KIF26B: variants seen among roughly 807,000 people sequenced by gnomAD.
The protein encoded by KIF26B is kinesin-like protein KIF26B.
KIF26B carries 63 observed loss-of-function variants against 151.2 expected under a neutral mutation model. The ratio of observed to expected loss-of-function variants is 0.42; its 90% CI spans 0.34 to 0.51. The LOEUF (loss-of-function observed/expected upper bound fraction) is 0.51, where lower values mean the gene tolerates loss of function less well. Among genes scored for constraint, KIF26B ranks in the 20% least tolerant of loss-of-function variants. KIF26B has a pLI of 0.07. For missense variants in KIF26B, 2,813 were observed against 2,913.6 expected (o/e 0.97, Z 0.79); for synonymous variants, 1,357 against 1,262.1 (o/e 1.08, Z -1.59).
In KIF26B at chr1:245,687,515, A is replaced by G. The variant is rs763063247; in HGVS notation, c.4532A>G (p.Asp1511Gly). 2 of 1,575,930 alleles carry G rather than the reference A, an allele frequency of 1.3e-6. No homozygotes were observed. Residue 1511 changes from aspartate to glycine, a missense_variant, in exon 12 of 15, where the codon GAT (aspartate) becomes GGT (glycine). Physicochemically the swap from Asp to Gly is moderately conservative, Grantham distance 94. This residue lies in a region of KIF26B where 2,060 missense variants were observed against 2,088.6 expected (regional missense o/e 0.99). Transcript: ENST00000407071. This position sits in a 1 kb window ranked among gnomAD's most constrained non-coding sequence, Gnocchi z 4.9. Reference sequence around the variant, plus strand: ...ACTGACAACTTCAGGAGGGTCGTGGATGGGTGTGAGATGGCCCTGCCCGGT... The same window carrying G: ...ACTGACAACTTCAGGAGGGTCGTGGGTGGGTGTGAGATGGCCCTGCCCGGT... Reference protein sequence around the residue: ...PVTDNFRRVVDGCEMALPGLA... With the variant: ...PVTDNFRRVVGGCEMALPGLA...
At chr1:245,383,758 C>A (rs753799883) in intron 3 of KIF26B, among the ~76,000 whole-genome samples, 1 of 152,044 alleles carries the variant, frequency 6.6e-6, no homozygotes, top group Non-Finnish European at 1.5e-5. Context: ...AAAGGATGAA[C>A]GGTGGTTGCT....
intron 4 of KIF26B, among the ~76,000 whole-genome samples, chr1:245,498,764 G>A (rs1171453414): frequency 6.6e-6 from 1 of 152,186 alleles, no homozygotes; most frequent in Admixed American, 6.5e-5. Context: ...CTGCCCTCCT[G>A]GGTTTGTCCT....
At chr1:245,377,982 A>G (rs1427407633) in intron 3 of KIF26B, among the ~76,000 whole-genome samples, 1 of 152,206 alleles carries the variant, frequency 6.6e-6, no homozygotes, top group Non-Finnish European at 1.5e-5. Context: ...GGTTTTTCAT[A>G]GAATAACAGC....
At chr1:245,269,738 C>T (rs1670816370) in intron 2 of KIF26B, among the ~76,000 whole-genome samples, 2 of 152,076 alleles carry the variant, frequency 1.3e-5, no homozygotes, top group African/African-American at 4.8e-5. Context: ...GCTGGGATTA[C>T]AAGCGTGAGC....
At chr1:245,242,230 C>T (rs1670221198) in intron 2 of KIF26B, among the ~76,000 whole-genome samples, 1 of 152,080 alleles carries the variant, frequency 6.6e-6, no homozygotes, top group African/African-American at 2.4e-5. Context: ...GTCTCTATGC[C>T]TTCCCCCCCC....
At position 245,466,664 on chromosome 1, in the gene KIF26B, G is replaced by A. The variant is rs539393969; in HGVS notation, c.1166+46919G>A. On this transcript the variant is annotated intron_variant, in intron 4 of 14. Coordinates refer to ENST00000407071, the MANE Select transcript of KIF26B (RefSeq NM_018012.4). Reference sequence around the variant, plus strand: ...GTTCCGGCTGGGCGTGGTGGCTCACGCCTGTAATCCCAGCACTTTAGGAGG... The same window carrying A: ...GTTCCGGCTGGGCGTGGTGGCTCACACCTGTAATCCCAGCACTTTAGGAGG... Among the ~76,000 whole-genome samples the A allele has an allele frequency of 3.2e-4, 49 of 152,312 alleles. 1 individual carries two copies. The highest frequency in any genetic ancestry group is 2.9e-3 in the Admixed American group (45 of 15,302).
rs1221282145 is a variant in KIF26B, at chr1:245,708,981, T to G, written c.*6375T>G. The stretch of plus-strand genomic sequence containing the variant: ...TCAATGGTAGTGCTTAATGTTACTG[T>G]CTGAAATCCACTGTTTAACCAGATG... On this transcript the variant is annotated 3_prime_UTR_variant, in exon 15 of 15. Coordinates refer to ENST00000407071, the MANE Select transcript of KIF26B (RefSeq NM_018012.4). 1 of 152,228 alleles carries G rather than the reference T, an allele frequency of 6.6e-6. No individual in the cohort carries two copies. The highest frequency in any genetic ancestry group is 1.5e-5 in the Non-Finnish European group (1 of 68,038). 9.4% of individuals were successfully genotyped at this position (152,228 alleles called of 1,614,324 possible). A position where few individuals can be genotyped will look rare whatever the true frequency, so the allele number is the denominator to read the frequency against.
At chr1:245,243,439 T>TACAC (rs1196510210) in intron 2 of KIF26B, among the ~76,000 whole-genome samples, 3 of 133,328 alleles carry the variant, frequency 2.3e-5, no homozygotes, top group Non-Finnish European at 5.0e-5. Context: ...TACATACATA[T>TACAC]ATATATATAC....
At chr1:245,436,326 C>A (rs1658931105) in intron 4 of KIF26B, among the ~76,000 whole-genome samples, 1 of 152,178 alleles carries the variant, frequency 6.6e-6, no homozygotes, top group Admixed American at 6.5e-5. Context: ...TTGCTTGATG[C>A]TGGGTGATGA....
In KIF26B at chr1:245,422,540, A is replaced by G. The variant is rs529826373; in HGVS notation, c.1166+2795A>G. 1.8e-3 allele frequency among the ~76,000 whole-genome samples: 280 copies of G among 152,316 alleles called. 2 individuals are homozygous for G. The highest frequency in any genetic ancestry group is 2.7e-3 in the Non-Finnish European group (187 of 68,034). On this transcript the variant is annotated intron_variant, in intron 4 of 14. Transcript: ENST00000407071. ...TGATAAGCCAAAACCTGCCCAGCTT[A>G]TGCTGTCAGACAGTCAACTGAGTTC... is the stretch of plus-strand genomic sequence containing the variant.
chr1:245,562,109 C>T (rs778979612), intron 5 of KIF26B, among the ~76,000 whole-genome samples: 3 of 152,022 alleles, frequency 2.0e-5, no homozygotes, highest in African/African-American at 2.4e-5. Context: ...CGTACTTTGT[C>T]TCCGCGGTGG....
Position 245,563,358 on chromosome 1 carries a change from C to G in KIF26B, c.1350+22408C>G, listed in dbSNP as rs78341785. On this transcript the variant is annotated intron_variant, in intron 5 of 14. Coordinates refer to ENST00000407071, the MANE Select transcript of KIF26B (RefSeq NM_018012.4). This position sits in a 1 kb window ranked among gnomAD's most constrained non-coding sequence, Gnocchi z 4.6. The stretch of plus-strand genomic sequence containing the variant: ...TGGGGGACGTGTCTTTGCCTTCTTT[C>G]AAGGGTTAATGTTTCCAAGTGGGTT... 0.014 allele frequency among the ~76,000 whole-genome samples: 2,113 copies of G among 152,312 alleles called. 46 individuals are homozygous for G. The highest frequency in any genetic ancestry group is 0.048 in the African/African-American group (1,995 of 41,554).
intron 4 of KIF26B, among the ~76,000 whole-genome samples, chr1:245,525,500 A>T (rs1661219438): frequency 6.6e-6 from 1 of 152,206 alleles, no homozygotes; most frequent in South Asian, 2.1e-4. Context: ...TGTCTGTGAA[A>T]TTTTAATAGA....
At chr1:245,261,420 C>T (rs550012534) in intron 2 of KIF26B, among the ~76,000 whole-genome samples, 7 of 151,662 alleles carry the variant, frequency 4.6e-5, no homozygotes, top group Admixed American at 3.3e-4. Flanking sequence ...CATGAGCCAC[C>T]GCGCCCAGCT....
intron 9 of KIF26B, among the ~76,000 whole-genome samples, chr1:245,641,045 T>A (rs769221467): frequency 2.0e-5 from 3 of 152,122 alleles, no homozygotes; most frequent in Non-Finnish European, 2.9e-5. Flanking sequence ...TAGTGATACG[T>A]TTTCTCTGGA....
chr1:245,681,232 CAG>C (rs1437987923), intron 10 of KIF26B, among the ~76,000 whole-genome samples: 1 of 119,816 alleles, frequency 8.3e-6, no homozygotes, highest in African/African-American at 2.8e-5. Flanking sequence ...TTTTTTGAGA[CAG>C]AGTCTCGCTC....
chr1:245,595,034 A>C (rs561762273), intron 5 of KIF26B, among the ~76,000 whole-genome samples: 1 of 152,164 alleles, frequency 6.6e-6, no homozygotes, highest in South Asian at 2.1e-4. Flanking sequence ...GACTTTCCTG[A>C]ATTTGCTTAT....
At chr1:245,277,053 T>G (rs887742527) in intron 2 of KIF26B, among the ~76,000 whole-genome samples, 1 of 152,184 alleles carries the variant, frequency 6.6e-6, no homozygotes, top group Non-Finnish European at 1.5e-5. Flanking sequence ...ACTATGTTTA[T>G]AGGCCAAGGA....
chr1:245,685,795 G>A lies in KIF26B; in HGVS notation c.2812G>A (p.Gly938Ser), dbSNP rs775153621. ...ELQERLDCID[G>S]SEEPSSFPFE... Reference sequence around the variant, plus strand: ...GCAGGAGAGGCTGGACTGCATCGACGGCAGCGAGGAGCCCAGCAGCTTTCC... The same window carrying A: ...GCAGGAGAGGCTGGACTGCATCGACAGCAGCGAGGAGCCCAGCAGCTTTCC... The change falls in exon 12 of 15, where the codon GGC becomes AGC. Residue 938 changes from glycine (G) to serine (S), a missense_variant. Gly to Ser is a moderately conservative substitution (Grantham distance 56). Transcript: ENST00000407071. 3.7e-6 allele frequency: 6 copies of A among 1,609,680 alleles called. No individual in the cohort carries two copies. Among genetic ancestry groups the A allele is most frequent in the Middle Eastern group, 1.6e-4 (1 of 6,070 alleles).
Sources: gnomAD v4.1 joint callset for allele counts (sites outside exome capture counted in the v4.1 genomes callset) on GRCh38, gnomAD v4.1.1 for gene constraint, gnomAD v4.1.1 regional missense constraint, Gnocchi (gnomAD v3.1) non-coding constraint, MANE v1.5 for transcripts, NCBI Gene and HGNC (gene_info 2026-07-23, HGNC 2026-07-21) for gene names.